The following CDC27 variants were observed in gnomAD, a reference collection of about 807,000 sequenced individuals.
The protein encoded by CDC27 is cell division cycle protein 27 homolog.
In CDC27, 27 loss-of-function variants were observed where a neutral mutation model predicts 109.7. The ratio of observed to expected loss-of-function variants is 0.25; its 90% CI spans 0.18 to 0.34. CDC27 has a LOEUF of 0.34. Among genes scored for constraint, CDC27 ranks in the 10% least tolerant of loss-of-function variants. CDC27 has a pLI of 1.00. For synonymous variants in CDC27, 266 were observed against 333.9 expected (o/e 0.80, Z 2.22); for missense variants, 579 against 960.2 (o/e 0.60, Z 5.25).
At chr17:47,172,130 C>A in intron 2 of CDC27, 66 bp from the exon 3 acceptor site, 6 of 1,061,706 alleles carry the variant, frequency 5.7e-6, no homozygotes, top group South Asian at 4.7e-5. Flanking sequence ...GTTTATCATG[C>A]AATAAACAAG....
intron 9 of CDC27, among the ~76,000 whole-genome samples, chr17:47,145,822 G>A (rs1039406740): frequency 3.9e-5 from 6 of 151,964 alleles, no homozygotes; most frequent in Admixed American, 1.3e-4. Flanking sequence ...ACTTGAACCC[G>A]GGAGGTGGAG....
chr17:47,146,236 T>C (rs559844735), intron 9 of CDC27, among the ~76,000 whole-genome samples: 59 of 152,338 alleles, frequency 3.9e-4, no homozygotes, highest in African/African-American at 1.4e-3. Context: ...CTGGACTCTG[T>C]GAGGTGCTCT....
chr17:47,152,364 A>G (rs907672676), intron 8 of CDC27, among the ~76,000 whole-genome samples: 2 of 152,200 alleles, frequency 1.3e-5, no homozygotes, highest in African/African-American at 4.8e-5. Context: ...GCACTTGGTA[A>G]CAGTTCTAAA....
intron 9 of CDC27, among the ~76,000 whole-genome samples, chr17:47,150,278 T>C (rs1222426249): frequency 3.3e-5 from 5 of 152,192 alleles, no homozygotes; most frequent in Non-Finnish European, 5.9e-5. Flanking sequence ...CCCCAAAAGA[T>C]ATGTTGAAGC....
At chr17:47,180,780 C>A (rs61502164) in intron 2 of CDC27, among the ~76,000 whole-genome samples, 1 of 151,562 alleles carries the variant, frequency 6.6e-6, no homozygotes, top group Non-Finnish European at 1.5e-5. Context: ...ATTTTTAATT[C>A]TAAGGGGCAA....
intron 2 of CDC27, among the ~76,000 whole-genome samples, chr17:47,174,708 C>T (rs1160761756): frequency 1.3e-5 from 2 of 152,304 alleles, no homozygotes; most frequent in East Asian, 1.9e-4. Flanking sequence ...GTAATCCCAG[C>T]ACTTTGGGAG....
At chr17:47,142,075 C>A in intron 11 of CDC27, 50 bp from the exon 12 acceptor site, 1 of 1,373,734 alleles carries the variant, frequency 7.3e-7, no homozygotes, top group South Asian at 1.5e-5. Context: ...ATAAACTAGT[C>A]TGCTTCTCTA....
intron 1 of CDC27, among the ~76,000 whole-genome samples, chr17:47,188,500 G>C (rs915392540): frequency 1.3e-5 from 2 of 151,958 alleles, no homozygotes; most frequent in African/African-American, 4.8e-5. Flanking sequence ...CATCAGAGAG[G>C]ATGAAAACAA....
Position 47,120,803 on chromosome 17 carries a change from A to G in CDC27, c.*132T>C. ...CTGTATACAGTCAGGGTCCAATGAA[A>G]GTGGCACACTCATGGTATAAGTGAC... On this transcript the variant is annotated 3_prime_UTR_variant, in exon 19 of 19. Coordinates refer to ENST00000066544, the MANE Select transcript of CDC27 (RefSeq NM_001256.6). 1.6e-6 allele frequency: 1 copy of G among 643,354 alleles called. No individual in the cohort carries two copies. Among genetic ancestry groups the G allele is most frequent in the Non-Finnish European group, 2.8e-6 (1 of 356,468 alleles). 39.9% of individuals were successfully genotyped at this position (643,354 alleles called of 1,614,324 possible).
intron 16 of CDC27, among the ~76,000 whole-genome samples, chr17:47,125,821 C>T (rs1424511919): frequency 5.9e-5 from 9 of 152,284 alleles, no homozygotes; most frequent in South Asian, 2.1e-4. Context: ...GGATTACAGG[C>T]GTGAGCTGCT....
At chr17:47,184,912 T>C (rs901306670) in intron 1 of CDC27, among the ~76,000 whole-genome samples, 4 of 152,072 alleles carry the variant, frequency 2.6e-5, no homozygotes, top group Non-Finnish European at 5.9e-5. Context: ...TTCTACAAAT[T>C]AAAGCCAGAT....
Position 47,119,445 on chromosome 17 carries a change from A to C in CDC27, c.*1490T>G, listed in dbSNP as rs1206934392. Reference sequence around the variant, plus strand: ...TAAAATTTTTTTCACATCTTTTGTAATCCACCTTATTTTCACAGCTTGACT... The same window carrying C: ...TAAAATTTTTTTCACATCTTTTGTACTCCACCTTATTTTCACAGCTTGACT... On this transcript the variant is annotated 3_prime_UTR_variant, in exon 19 of 19. Coordinates refer to ENST00000066544, the MANE Select transcript of CDC27 (RefSeq NM_001256.6). 2 of 152,138 alleles carry C rather than the reference A, an allele frequency of 1.3e-5. No homozygotes were observed. The highest frequency in any genetic ancestry group is 2.9e-5 in the Non-Finnish European group (2 of 68,008). The allele number at this position is 152,138 out of a possible 1,614,324, so 9.4% of individuals were successfully genotyped here.
At chr17:47,141,471 C>G (rs2062790271) in intron 12 of CDC27, among the ~76,000 whole-genome samples, 1 of 152,112 alleles carries the variant, frequency 6.6e-6, no homozygotes, top group Non-Finnish European at 1.5e-5. Context: ...TAGCATTCTT[C>G]AAGCTTATAA....
At chr17:47,130,581 T>C (rs1303166074) in intron 15 of CDC27, among the ~76,000 whole-genome samples, 1 of 151,820 alleles carries the variant, frequency 6.6e-6, no homozygotes, top group Non-Finnish European at 1.5e-5. Flanking sequence ...TTATATGTTA[T>C]AAAGTGGGGT....
chr17:47,170,957 C>A (rs550636646), intron 3 of CDC27: 1 of 151,972 alleles, frequency 6.6e-6, no homozygotes, highest in Non-Finnish European at 1.5e-5. Flanking sequence ...GAAAATTAGC[C>A]AGGTGTAGTG....
chr17:47,154,631 G>A lies in CDC27; in HGVS notation c.957+41C>T, dbSNP rs934581386. 3.0e-6 allele frequency: 3 copies of A among 999,892 alleles called. No homozygotes were observed. In the Admixed American group the frequency reaches 6.1e-5, roughly 20 times the overall value. 61.9% of individuals were successfully genotyped at this position (999,892 alleles called of 1,614,324 possible). On this transcript the variant is annotated intron_variant, in intron 8 of 18. Coordinates refer to ENST00000066544, the MANE Select transcript of CDC27 (RefSeq NM_001256.6). ...TTTAAAAGATTGAAATAAACAAGTTGCTTTAATCAATTCCCAAACTGCATT... is the reference window on the plus strand; with the variant it reads ...TTTAAAAGATTGAAATAAACAAGTTACTTTAATCAATTCCCAAACTGCATT...
At chr17:47,159,225 T>G (rs964620300) in intron 4 of CDC27, 28 of 465,886 alleles carry the variant, frequency 6.0e-5, no homozygotes, top group African/African-American at 5.0e-4. Context: ...CCGGGTCCTC[T>G]GTACGGAGAC....
chr17:47,124,135 G>A (rs569809565), intron 16 of CDC27, among the ~76,000 whole-genome samples, 175 bp from the exon 17 acceptor site: 16 of 149,394 alleles, frequency 1.1e-4, no homozygotes, highest in Admixed American at 7.4e-4. Context: ...ATACTTATAT[G>A]ACAATAGGTA....
intron 10 of CDC27, among the ~76,000 whole-genome samples, chr17:47,143,605 G>A (rs2062864200): frequency 6.6e-6 from 1 of 151,960 alleles, no homozygotes; most frequent in Admixed American, 6.6e-5. Flanking sequence ...AATAATCACT[G>A]ATCTGTTGTC....
Sources: gnomAD v4.1 joint callset for allele counts (sites outside exome capture counted in the v4.1 genomes callset) on GRCh38, gnomAD v4.1.1 for gene constraint, MANE v1.5 for transcripts, NCBI Gene and HGNC (gene_info 2026-07-23, HGNC 2026-07-21) for gene names.